The following DSCAM variants were observed in gnomAD, a reference collection of about 807,000 sequenced individuals.
DSCAM encodes the protein DS cell adhesion molecule.
DSCAM carries 47 observed loss-of-function variants against 217.7 expected under a neutral mutation model. The ratio of observed to expected loss-of-function variants is 0.22; its 90% CI spans 0.17 to 0.28. The LOEUF (loss-of-function observed/expected upper bound fraction) is 0.28. DSCAM is among the 10% of genes least tolerant of loss of function. The pLI, the probability that DSCAM is intolerant of heterozygous loss-of-function variation, is 1.00. For synonymous variants in DSCAM, 1,056 were observed against 1,015.3 expected, an observed-to-expected ratio of 1.04 and a Z score of -0.76; for missense variants, 2,080 against 2,618.3, an observed-to-expected ratio of 0.79 and a Z score of 4.49.
At chr21:40,522,350 G>A (rs982171160) in intron 3 of DSCAM, among the ~76,000 whole-genome samples, 6 of 152,156 alleles carry the variant, frequency 3.9e-5, no homozygotes, top group East Asian at 1.9e-4. Context: ...AAAGCAATTC[G>A]TTCCACTTGA....
At position 40,129,584 on chromosome 21, in the gene DSCAM, T is replaced by C. The variant is rs565338684; in HGVS notation, c.3562+4270A>G. On this transcript the variant is annotated intron_variant, in intron 19 of 32. Transcript: ENST00000400454. ...TTGGGATCCACTGCAGTGGAGGGAG[T>C]GTGGAAAGCCACATGGTAGAATCTC... Among the ~76,000 whole-genome samples, 628 of 152,090 alleles carry C rather than the reference T, an allele frequency of 4.1e-3. 7 individuals carry two copies. Among genetic ancestry groups the C allele is most frequent in the African/African-American group, 0.014 (597 of 41,478 alleles).
chr21:40,359,558 T>C (rs996023203), intron 4 of DSCAM, among the ~76,000 whole-genome samples: 6 of 152,136 alleles, frequency 3.9e-5, no homozygotes, highest in Non-Finnish European at 4.4e-5. Context: ...AATCAAAAAG[T>C]GGAAACAACC....
chr21:40,443,382 C>T (rs1389351374), intron 3 of DSCAM, among the ~76,000 whole-genome samples: 1 of 152,156 alleles, frequency 6.6e-6, no homozygotes, highest in Non-Finnish European at 1.5e-5. Context: ...TCTCACAAAA[C>T]TGTAACATCT....
At chr21:40,162,299 G>A (rs1156281070) in intron 16 of DSCAM, among the ~76,000 whole-genome samples, 1 of 152,170 alleles carries the variant, frequency 6.6e-6, no homozygotes, top group Non-Finnish European at 1.5e-5. Context: ...GCATGCAGAA[G>A]TTTAGCATTG....
chr21:40,685,617 C>A (rs1314529931), intron 3 of DSCAM, among the ~76,000 whole-genome samples: 1 of 152,178 alleles, frequency 6.6e-6, no homozygotes, highest in Non-Finnish European at 1.5e-5. Flanking sequence ...GGCCTGCTTT[C>A]CTCTGAATGT....
At chr21:40,796,578 A>T (rs920894668) in intron 1 of DSCAM, among the ~76,000 whole-genome samples, 1 of 152,204 alleles carries the variant, frequency 6.6e-6, no homozygotes, top group Non-Finnish European at 1.5e-5. Flanking sequence ...CAAGGTTCTA[A>T]ATCTATGTAG....
intron 1 of DSCAM, among the ~76,000 whole-genome samples, chr21:40,845,998 T>A (rs1366449036): frequency 1.4e-5 from 2 of 141,568 alleles, no homozygotes; most frequent in Admixed American, 1.4e-4. Context: ...ACTATACAGG[T>A]GTTTTTTTTT....
intron 3 of DSCAM, among the ~76,000 whole-genome samples, chr21:40,479,616 A>C (rs1341256468): frequency 6.6e-6 from 1 of 152,170 alleles, no homozygotes; most frequent in Non-Finnish European, 1.5e-5. Flanking sequence ...AAACTATCAG[A>C]TCTCATTACA....
intron 10 of DSCAM, among the ~76,000 whole-genome samples, chr21:40,279,976 G>A (rs1423333093): frequency 6.6e-6 from 1 of 151,984 alleles, no homozygotes; most frequent in African/African-American, 2.4e-5. Flanking sequence ...GTGGGGGCAA[G>A]GGGAGTAAGA....
intron 27 of DSCAM, among the ~76,000 whole-genome samples, chr21:40,067,881 T>C (rs2089234669): frequency 6.6e-6 from 1 of 151,820 alleles, no homozygotes; most frequent in Non-Finnish European, 1.5e-5. Flanking sequence ...CTCTCCTGTC[T>C]ACCTGCCATC....
intron 14 of DSCAM, among the ~76,000 whole-genome samples, chr21:40,186,503 A>T (rs578036204): frequency 1.3e-5 from 2 of 152,158 alleles, no homozygotes; most frequent in East Asian, 3.9e-4. Context: ...TGGCCCGGGC[A>T]TTGTTCCTTG....
chr21:40,777,759 T>C (rs971470311), intron 1 of DSCAM, among the ~76,000 whole-genome samples: 1 of 152,066 alleles, frequency 6.6e-6, no homozygotes, highest in Non-Finnish European at 1.5e-5. Flanking sequence ...TATCAGAAAA[T>C]ATGTATTAAA....
intron 3 of DSCAM, among the ~76,000 whole-genome samples, chr21:40,667,670 A>G (rs1436485454): frequency 6.6e-6 from 1 of 150,816 alleles, no homozygotes; most frequent in Non-Finnish European, 1.5e-5. Context: ...ATAGTGAGTG[A>G]GTCCTCATGA....
chr21:40,748,490 C>A (rs748146304), intron 1 of DSCAM, among the ~76,000 whole-genome samples: 77 of 151,820 alleles, frequency 5.1e-4, no homozygotes, highest in Non-Finnish European at 9.4e-4. Context: ...ACAATAGTTA[C>A]AAGGTATAAA....
rs116544274 is a variant in DSCAM at position 40,477,901 on chromosome 21, A to G, written c.509-108656T>C. 8.0e-3 allele frequency among the ~76,000 whole-genome samples: 1,217 copies of G among 152,300 alleles called. 20 individuals carry two copies. The highest frequency in any genetic ancestry group is 0.028 in the African/African-American group (1,159 of 41,550). On this transcript the variant is annotated intron_variant, in intron 3 of 32. Coordinates refer to ENST00000400454, the MANE Select transcript of DSCAM (RefSeq NM_001389.5). ...TAGAGAAGAGTACATTTAACTGAAT[A>G]GCCCAGCTGAATCATCACCAACTGA... is the stretch of plus-strand genomic sequence containing the variant.
intron 3 of DSCAM, among the ~76,000 whole-genome samples, chr21:40,596,033 T>C (rs960641511): frequency 1.3e-5 from 2 of 152,152 alleles, no homozygotes; most frequent in Non-Finnish European, 2.9e-5. Flanking sequence ...GCGCAAGAAC[T>C]AGCACAAGGC....
At chr21:40,750,449 G>A (rs1164987806) in intron 1 of DSCAM, among the ~76,000 whole-genome samples, 7 of 152,018 alleles carry the variant, frequency 4.6e-5, no homozygotes, top group East Asian at 3.9e-4. Flanking sequence ...TGATTTCTAC[G>A]TTTTGAAGGA....
chr21:40,123,105 G>C (rs2146666925), intron 20 of DSCAM, among the ~76,000 whole-genome samples: 1 of 152,280 alleles, frequency 6.6e-6, no homozygotes, highest in Admixed American at 6.5e-5. Context: ...CAAATCCAGA[G>C]ACAGAAAGTA....
Position 40,526,968 on chromosome 21 carries a change from G to T in DSCAM, c.509-157723C>A, listed in dbSNP as rs149369816. ...CCCTGGCCTGTGTTCCTGAGCCCCT[G>T]CAAAGTTAGCAGCATTTGCACTGCC... On this transcript the variant is annotated intron_variant, in intron 3 of 32. Transcript: ENST00000400454. Among the ~76,000 whole-genome samples, 281 of 152,146 alleles carry T rather than the reference G, an allele frequency of 1.8e-3. 2 individuals are homozygous for T. Among genetic ancestry groups the T allele is most frequent in the African/African-American group, 6.2e-3 (259 of 41,514 alleles).
Sources: gnomAD v4.1 joint callset for allele counts (sites outside exome capture counted in the v4.1 genomes callset) on GRCh38, gnomAD v4.1.1 for gene constraint, MANE v1.5 for transcripts, NCBI Gene and HGNC (gene_info 2026-07-23, HGNC 2026-07-21) for gene names.